AGO3: variants seen among roughly 807,000 people sequenced by gnomAD.
AGO3 encodes argonaute RISC catalytic component 3.
Under a neutral mutation model 105.5 loss-of-function variants are expected in AGO3, and 16 were observed. That is an observed-to-expected ratio of 0.15 (90% CI 0.10 to 0.23). AGO3 has a LOEUF of 0.23. Ranked by LOEUF, AGO3 falls within the 10% of genes least tolerant of loss-of-function variation. AGO3 has a pLI of 1.00. For synonymous variants in AGO3, 340 were observed against 367.3 expected, an observed-to-expected ratio of 0.93 and a Z score of 0.85; for missense variants, 534 against 1,088.0, an observed-to-expected ratio of 0.49 and a Z score of 7.16.
At chr1:35,932,789 A>G (rs1253076427) in intron 1 of AGO3, among the ~76,000 whole-genome samples, 1 of 152,162 alleles carries the variant, frequency 6.6e-6, no homozygotes, top group Non-Finnish European at 1.5e-5. Flanking sequence ...AGGAGATGTG[A>G]TTATTTGGGA....
intron 13 of AGO3, among the ~76,000 whole-genome samples, chr1:36,034,599 A>G (rs1312113508): frequency 6.6e-6 from 1 of 152,244 alleles, no homozygotes; most frequent in East Asian, 1.9e-4. Context: ...TTTACTGAAA[A>G]TGAAAGTACA....
intron 2 of AGO3, among the ~76,000 whole-genome samples, chr1:35,951,878 A>T (rs1003269332): frequency 6.6e-5 from 10 of 152,120 alleles, no homozygotes; most frequent in Non-Finnish European, 1.3e-4. Flanking sequence ...AACTTGATGG[A>T]TATATAATTT....
rs890857609 is a variant in AGO3 at position 35,996,380 on chromosome 1, G to A, written c.659-7961G>A. Among the ~76,000 whole-genome samples the A allele has an allele frequency of 2.4e-4, 36 of 150,362 alleles. 1 individual carries two copies. The highest frequency in any genetic ancestry group is 2.3e-3 in the Admixed American group (34 of 15,096). ...CGCTGAGAAAACACATTTGCAAAAC[G>A]TAACAGAACAACGCTTAGGTCCAGA... On this transcript the variant is annotated intron_variant, in intron 5 of 18. Transcript: ENST00000373191.
At chr1:35,933,036 G>A (rs540548589) in intron 1 of AGO3, among the ~76,000 whole-genome samples, 1 of 152,118 alleles carries the variant, frequency 6.6e-6, no homozygotes, top group Non-Finnish European at 1.5e-5. Flanking sequence ...ACTAAGCCAA[G>A]TACAGCTCAG....
In AGO3 at chr1:36,069,034, T is replaced by A. The variant is rs1425098624; in HGVS notation, c.*13289T>A. 5.3e-5 allele frequency: 8 copies of A among 152,340 alleles called. No individual in the cohort carries two copies. Among genetic ancestry groups the A allele is most frequent in the Non-Finnish European group, 1.0e-4 (7 of 68,036 alleles). The allele number at this position is 152,340 out of a possible 1,614,324, so 9.4% of individuals were successfully genotyped here. A position where few individuals can be genotyped will look rare whatever the true frequency, so the allele number is the denominator to read the frequency against. ...CCGTGTCCTTAGGCAATTCGTTTAA[T>A]CTCTGTGTGCCTAGTTTCCCCTTGT... is the stretch of plus-strand genomic sequence containing the variant. On this transcript the variant is annotated 3_prime_UTR_variant, in exon 19 of 19. Transcript: ENST00000373191.
At chr1:35,971,733 A>T (rs141032429) in intron 3 of AGO3, among the ~76,000 whole-genome samples, 1 of 152,186 alleles carries the variant, frequency 6.6e-6, no homozygotes, top group Non-Finnish European at 1.5e-5. Flanking sequence ...ACTTAATAGT[A>T]TAGCTTGGAA....
At position 36,069,423 on chromosome 1, in the gene AGO3, G is replaced by A. The variant is rs1012682295; in HGVS notation, c.*13678G>A. The A allele has an allele frequency of 8.5e-5, 13 of 152,152 alleles. No homozygotes were observed. Among genetic ancestry groups the A allele is most frequent in the South Asian group, 2.1e-4 (1 of 4,830 alleles). 9.4% of individuals were successfully genotyped at this position (152,152 alleles called of 1,614,324 possible). ...GTTGTAAGAATAAGATAATGTTTGC[G>A]GAAGCATTTGAGTTCTCCAAAGGAA... On this transcript the variant is annotated 3_prime_UTR_variant, in exon 19 of 19. Transcript: ENST00000373191.
rs2148776064 is a variant in AGO3, at chr1:35,973,476, G to A, written c.623G>A (p.Arg208Gln). The A allele has an allele frequency of 6.3e-7, 1 of 1,587,514 alleles. No homozygotes were observed. Among genetic ancestry groups the A allele is most frequent in the Non-Finnish European group, 8.6e-7 (1 of 1,163,508 alleles). ...TGGTTTGGATTCCATCAGTCTGTTC[G>A]GCCTGCCATGTGGAAAATGATGCTT... is the stretch of plus-strand genomic sequence containing the variant. Reference protein sequence around the residue: ...EVWFGFHQSVRPAMWKMMLNI... With the variant: ...EVWFGFHQSVQPAMWKMMLNI... The change falls in exon 5 of 19, where the codon CGG becomes CAG. Residue 208 changes from arginine to glutamine, a missense_variant. Around this residue, in one of 2 missense-constraint regions of AGO3, gnomAD observed 373 missense variants for 854.0 expected, o/e 0.44. Transcript: ENST00000373191.
chr1:35,944,960 A>G (rs2148748905), intron 1 of AGO3, among the ~76,000 whole-genome samples: 1 of 151,728 alleles, frequency 6.6e-6, no homozygotes, highest in African/African-American at 2.4e-5. Context: ...GCACCACCAC[A>G]CTCAGCTAAT....
chr1:35,937,751 A>G (rs558028413), intron 1 of AGO3, among the ~76,000 whole-genome samples: 50 of 152,242 alleles, frequency 3.3e-4, no homozygotes, highest in Non-Finnish European at 6.3e-4. Flanking sequence ...AACTGGCTGG[A>G]TGTTCTATAA....
chr1:36,002,026 A>T (rs912916297), intron 5 of AGO3, among the ~76,000 whole-genome samples: 8 of 151,908 alleles, frequency 5.3e-5, no homozygotes, highest in East Asian at 1.9e-4. Flanking sequence ...GTTAAAAAAA[A>T]TTTTTTTTTG....
rs1426460303 is a variant in AGO3 at position 36,032,321 on chromosome 1, C to T, written c.1592-1853C>T. ...TTCCTAAATGATTAGAGACGTTGGG[C>T]ATCTTTTCATGTGCTTATGGGTCAT... On this transcript the variant is annotated intron_variant, in intron 12 of 18. Coordinates refer to ENST00000373191, the MANE Select transcript of AGO3 (RefSeq NM_024852.4). Among the ~76,000 whole-genome samples, 7 of 152,190 alleles carry T rather than the reference C, an allele frequency of 4.6e-5. No individual in the cohort carries two copies. The East Asian group carries it at 1.4e-3, about 29-fold the overall frequency.
intron 2 of AGO3, among the ~76,000 whole-genome samples, chr1:35,955,081 G>A (rs1646540094): frequency 6.6e-6 from 1 of 152,210 alleles, no homozygotes; most frequent in Non-Finnish European, 1.5e-5. Flanking sequence ...TGAAGAGTTA[G>A]CTAGGGAGTA....
rs1157051818 is a variant in AGO3, at chr1:36,060,280, A to G, written c.*4535A>G. On this transcript the variant is annotated 3_prime_UTR_variant, in exon 19 of 19. Transcript: ENST00000373191. ...ATTTTAGGAGGATAGGCCTTCTGAC[A>G]GAGTCATGAAAGACTGAAGGCATGT... The G allele has an allele frequency of 1.3e-5, 2 of 152,238 alleles. 1 individual carries two copies. The highest frequency in any genetic ancestry group is 1.3e-4 in the Admixed American group (2 of 15,268). The allele number at this position is 152,238 out of a possible 1,614,324, so 9.4% of individuals were successfully genotyped here. A position where few individuals can be genotyped will look rare whatever the true frequency, so the allele number is the denominator to read the frequency against.
At chr1:36,002,081 G>A (rs922899620) in intron 5 of AGO3, among the ~76,000 whole-genome samples, 3 of 152,092 alleles carry the variant, frequency 2.0e-5, no homozygotes, top group Admixed American at 1.3e-4. Context: ...GTGTAGTGGC[G>A]CAATCTCAGC....
intron 1 of AGO3, among the ~76,000 whole-genome samples, chr1:35,941,412 A>T (rs565373832): frequency 8.5e-5 from 13 of 152,214 alleles, no homozygotes; most frequent in African/African-American, 3.1e-4. Context: ...TTAAAAAAAA[A>T]TTTAAGTCAG....
At chr1:36,036,683 C>A (rs535645245) in intron 14 of AGO3, among the ~76,000 whole-genome samples, 11 of 152,018 alleles carry the variant, frequency 7.2e-5, no homozygotes, top group South Asian at 4.2e-4. Context: ...CACCTGAATT[C>A]TTTTATTTTA....
At chr1:36,003,557 G>C (rs541410920) in intron 5 of AGO3, among the ~76,000 whole-genome samples, 7 of 151,536 alleles carry the variant, frequency 4.6e-5, no homozygotes, top group African/African-American at 1.7e-4. Context: ...GGTCGGACGT[G>C]GTGGTGCATG....
chr1:35,951,915 A>G (rs1646476367), intron 2 of AGO3, among the ~76,000 whole-genome samples: 1 of 152,158 alleles, frequency 6.6e-6, no homozygotes, highest in African/African-American at 2.4e-5. Context: ...CCATTTTAAA[A>G]TGTACACCTC....
Sources: allele counts gnomAD v4.1 joint callset (sites outside exome capture counted in the v4.1 genomes callset), GRCh38; gene constraint gnomAD v4.1.1; regional missense constraint gnomAD v4.1.1; transcripts MANE v1.5; gene names NCBI Gene and HGNC (gene_info 2026-07-23, HGNC 2026-07-21).